Variants in PRKD1 observed in about 807,000 individuals in gnomAD.
PRKD1 encodes the protein protein kinase D1.
Under a neutral mutation model 95.9 loss-of-function variants are expected in PRKD1, and 63 were observed. The observed-to-expected ratio is 0.66, with a 90% CI of 0.54 to 0.81. The LOEUF (loss-of-function observed/expected upper bound fraction) is 0.81, where lower values mean the gene tolerates loss of function less well. PRKD1 is among the 30% of genes least tolerant of loss of function. PRKD1 has a pLI of 0.00. For missense variants in PRKD1, 1,048 were observed against 1,165.3 expected (o/e 0.90, Z 1.47); for synonymous variants, 425 against 423.1 (o/e 1.00, Z -0.05).
intron 1 of PRKD1, among the ~76,000 whole-genome samples, chr14:29,779,500 A>G (rs1467495432): frequency 1.3e-5 from 2 of 151,942 alleles, no homozygotes; most frequent in East Asian, 1.9e-4. Flanking sequence ...ATAACGGATA[A>G]ACAGAGAGCC....
chr14:29,739,258 A>G (rs933112496), intron 1 of PRKD1, among the ~76,000 whole-genome samples: 1 of 152,202 alleles, frequency 6.6e-6, no homozygotes, highest in African/African-American at 2.4e-5. Flanking sequence ...CTGTATTGAC[A>G]AAATAACTTC....
chr14:29,881,377 G>A (rs565981733), intron 1 of PRKD1, among the ~76,000 whole-genome samples: 1 of 152,104 alleles, frequency 6.6e-6, no homozygotes, highest in Non-Finnish European at 1.5e-5. Flanking sequence ...CCATGATTCT[G>A]AGGCCTCCCA....
At chr14:29,880,534 T>C (rs1433330043) in intron 1 of PRKD1, among the ~76,000 whole-genome samples, 1 of 152,052 alleles carries the variant, frequency 6.6e-6, no homozygotes, top group Non-Finnish European at 1.5e-5. Flanking sequence ...AGAAAGGAAA[T>C]GTGGGGTTGA....
intron 1 of PRKD1, among the ~76,000 whole-genome samples, chr14:29,870,347 C>T (rs559155654): frequency 2.6e-5 from 4 of 152,054 alleles, no homozygotes; most frequent in Admixed American, 6.5e-5. Context: ...TTCTTGAGCA[C>T]GTCTCAATGT....
At chr14:29,715,712 A>G (rs1314048605) in intron 2 of PRKD1, among the ~76,000 whole-genome samples, 2 of 152,148 alleles carry the variant, frequency 1.3e-5, no homozygotes, top group African/African-American at 4.8e-5. Flanking sequence ...AGCCAAAATA[A>G]TCCCTCTTTG....
At chr14:29,754,488 T>C (rs1366750205) in intron 1 of PRKD1, among the ~76,000 whole-genome samples, 1 of 152,184 alleles carries the variant, frequency 6.6e-6, no homozygotes, top group Non-Finnish European at 1.5e-5. Flanking sequence ...GTTTTTCATC[T>C]ACTAGAAATA....
intron 2 of PRKD1, among the ~76,000 whole-genome samples, chr14:29,722,853 T>C (rs553258444): frequency 3.9e-5 from 6 of 152,076 alleles, no homozygotes; most frequent in Admixed American, 6.6e-5. Context: ...AAGACATGAA[T>C]ATAATAAGTC....
intron 4 of PRKD1, among the ~76,000 whole-genome samples, chr14:29,645,720 G>C (rs752972976): frequency 7.1e-6 from 1 of 141,330 alleles, no homozygotes; most frequent in Admixed American, 6.8e-5. Context: ...TCCTAGACAC[G>C]CATAACTGTT....
chr14:29,613,883 C>A (rs1389610160), intron 13 of PRKD1, among the ~76,000 whole-genome samples: 1 of 152,124 alleles, frequency 6.6e-6, no homozygotes, highest in African/African-American at 2.4e-5. Flanking sequence ...GATATGTGAG[C>A]ACAGAGATGG....
At chr14:29,760,085 A>C (rs2139484635) in intron 1 of PRKD1, among the ~76,000 whole-genome samples, 1 of 152,284 alleles carries the variant, frequency 6.6e-6, no homozygotes, top group Admixed American at 6.5e-5. Flanking sequence ...ATCATTGTTT[A>C]CTATTTTTGT....
intron 6 of PRKD1, among the ~76,000 whole-genome samples, chr14:29,636,863 A>T (rs1206760201): frequency 6.6e-6 from 1 of 152,180 alleles, no homozygotes; most frequent in South Asian, 2.1e-4. Flanking sequence ...AAGTGAGAAC[A>T]TGTGGTATTT....
chr14:29,837,967 T>C (rs1435751198), intron 1 of PRKD1, among the ~76,000 whole-genome samples: 3 of 152,218 alleles, frequency 2.0e-5, no homozygotes. Context: ...TGGTACTACA[T>C]TAGAAAATAC....
At chr14:29,583,022 T>C (rs1318139332) in intron 16 of PRKD1, among the ~76,000 whole-genome samples, 1 of 152,114 alleles carries the variant, frequency 6.6e-6, no homozygotes, top group Non-Finnish European at 1.5e-5. Context: ...CAGATTAGGA[T>C]GCTCGTGCCC....
chr14:29,868,439 A>T (rs1167429008), intron 1 of PRKD1, among the ~76,000 whole-genome samples: 2 of 152,172 alleles, frequency 1.3e-5, no homozygotes, highest in African/African-American at 4.8e-5. Flanking sequence ...AACCCAACCT[A>T]TACACTGATT....
At chr14:29,580,113 A>G (rs999914352) in intron 16 of PRKD1, among the ~76,000 whole-genome samples, 1 of 152,176 alleles carries the variant, frequency 6.6e-6, no homozygotes, top group African/African-American at 2.4e-5. Flanking sequence ...AATTCATGTC[A>G]TTAATTCACT....
At chr14:29,668,015 T>C (rs1032136018) in intron 2 of PRKD1, among the ~76,000 whole-genome samples, 19 of 152,254 alleles carry the variant, frequency 1.2e-4, no homozygotes, top group Non-Finnish European at 1.8e-4. Flanking sequence ...ATGCCATATT[T>C]CTAAAGTTCA....
intron 2 of PRKD1, among the ~76,000 whole-genome samples, chr14:29,716,955 A>G (rs538680641): frequency 6.6e-6 from 1 of 152,208 alleles, no homozygotes; most frequent in Non-Finnish European, 1.5e-5. Context: ...CAATTTTCTA[A>G]AAGACATTTT....
intron 2 of PRKD1, among the ~76,000 whole-genome samples, chr14:29,720,723 T>G (rs1885847812): frequency 6.6e-6 from 1 of 151,368 alleles, no homozygotes; most frequent in Admixed American, 6.6e-5. Context: ...GAGGTTGCAG[T>G]GAGCCAAGAT....
intron 12 of PRKD1, among the ~76,000 whole-genome samples, 179 bp downstream of exon 12, chr14:29,626,305 A>G (rs1374339879): frequency 6.6e-6 from 1 of 152,172 alleles, no homozygotes; most frequent in Non-Finnish European, 1.5e-5. Flanking sequence ...CACATATCCC[A>G]ATTTTCCAAG....
Sources: allele counts gnomAD v4.1 joint callset (sites outside exome capture counted in the v4.1 genomes callset), GRCh38; gene constraint gnomAD v4.1.1; transcripts MANE v1.5; gene names NCBI Gene and HGNC (gene_info 2026-07-23, HGNC 2026-07-21).